The following FBXL17 variants were observed in gnomAD, a reference collection of about 807,000 sequenced individuals.
FBXL17 encodes the protein F-box/LRR-repeat protein 17.
Under a neutral mutation model 66.2 loss-of-function variants are expected in FBXL17, and 22 were observed. The ratio of observed to expected loss-of-function variants is 0.33; its 90% CI spans 0.24 to 0.47. FBXL17 has a LOEUF of 0.47. FBXL17 is among the 20% of genes least tolerant of loss of function. FBXL17 has a pLI of 1.00. For missense variants in FBXL17, 878 were observed against 948.2 expected (o/e 0.93, Z 0.97); for synonymous variants, 474 against 400.5 (o/e 1.18, Z -2.19).
At chr5:107,964,414 T>C (rs2112634775) in intron 7 of FBXL17, among the ~76,000 whole-genome samples, 1 of 125,448 alleles carries the variant, frequency 8.0e-6, no homozygotes, top group Non-Finnish European at 1.8e-5. Flanking sequence ...TGATTATCTG[T>C]TCCTTTAAAA....
At chr5:108,377,255 G>T (rs539555931) in intron 1 of FBXL17, among the ~76,000 whole-genome samples, 1 of 152,172 alleles carries the variant, frequency 6.6e-6, no homozygotes, top group Non-Finnish European at 1.5e-5. Flanking sequence ...ATAGTTTCAC[G>T]TTATGCCAGG....
chr5:107,887,257 G>A (rs1749004651), intron 7 of FBXL17, among the ~76,000 whole-genome samples: 1 of 152,186 alleles, frequency 6.6e-6, no homozygotes, highest in Non-Finnish European at 1.5e-5. Flanking sequence ...AGATAACAAA[G>A]TGAATGAATT....
At chr5:108,344,228 T>G (rs1410052493) in intron 4 of FBXL17, among the ~76,000 whole-genome samples, 1 of 152,102 alleles carries the variant, frequency 6.6e-6, no homozygotes, top group Non-Finnish European at 1.5e-5. Context: ...ATCATTCATG[T>G]AAGCCTCCAA....
chr5:108,055,563 T>G (rs1409164930), intron 6 of FBXL17, among the ~76,000 whole-genome samples: 2 of 138,090 alleles, frequency 1.4e-5, no homozygotes, highest in African/African-American at 2.7e-5. Flanking sequence ...GAGCCAAGAT[T>G]GTGCCACTGC....
intron 7 of FBXL17, among the ~76,000 whole-genome samples, chr5:107,997,228 T>C (rs1317610705): frequency 2.0e-5 from 3 of 152,188 alleles, no homozygotes; most frequent in Non-Finnish European, 2.9e-5. Context: ...ATACTCTAGG[T>C]ATATTTCTTT....
chr5:107,931,335 C>A (rs915975402), intron 7 of FBXL17, among the ~76,000 whole-genome samples: 13 of 150,468 alleles, frequency 8.6e-5, no homozygotes, highest in African/African-American at 3.2e-4. Context: ...TCTCGGCTCA[C>A]TGCAGCCTTG....
At chr5:108,008,762 A>T (rs1312133695) in intron 7 of FBXL17, among the ~76,000 whole-genome samples, 2 of 152,074 alleles carry the variant, frequency 1.3e-5, no homozygotes, top group Non-Finnish European at 2.9e-5. Context: ...AACACCAGAG[A>T]CACATCTCTG....
At chr5:108,349,498 C>G (rs2112481871) in intron 3 of FBXL17, among the ~76,000 whole-genome samples, 1 of 152,104 alleles carries the variant, frequency 6.6e-6, no homozygotes, top group Non-Finnish European at 1.5e-5. Context: ...AGTTACTTTT[C>G]CAGGGGTGGT....
chr5:108,354,881 C>T (rs912120136), intron 3 of FBXL17, among the ~76,000 whole-genome samples: 8 of 151,716 alleles, frequency 5.3e-5, no homozygotes, highest in African/African-American at 9.7e-5. Context: ...TTTAAAGTTT[C>T]GAGTGAAAAA....
chr5:108,038,203 G>T (rs1384795310), intron 6 of FBXL17, among the ~76,000 whole-genome samples: 3 of 151,788 alleles, frequency 2.0e-5, no homozygotes, highest in African/African-American at 7.3e-5. Context: ...AGCTGAAAAG[G>T]GCATTTTTTG....
chr5:108,250,336 T>C (rs138469308), intron 4 of FBXL17, among the ~76,000 whole-genome samples: 458 of 152,264 alleles, frequency 3.0e-3, no homozygotes, highest in Non-Finnish European at 3.5e-3. Context: ...CTTTTTAAGG[T>C]CAATGATTAC....
At chr5:107,969,659 G>A (rs1475437880) in intron 7 of FBXL17, among the ~76,000 whole-genome samples, 2 of 152,138 alleles carry the variant, frequency 1.3e-5, no homozygotes, top group African/African-American at 4.8e-5. Flanking sequence ...GAAGCCTCAT[G>A]TTGCCTAAAC....
At chr5:107,862,295 G>T (rs913732981) in intron 8 of FBXL17, among the ~76,000 whole-genome samples, 1 of 151,614 alleles carries the variant, frequency 6.6e-6, no homozygotes, top group African/African-American at 2.4e-5. Context: ...AGAAGTGTTG[G>T]GGAAGATGTT....
intron 5 of FBXL17, among the ~76,000 whole-genome samples, chr5:108,202,964 C>T (rs1483080136): frequency 6.6e-6 from 1 of 151,760 alleles, no homozygotes; most frequent in Non-Finnish European, 1.5e-5. Context: ...AATGGGTCAG[C>T]AGGAAAAGAA....
chr5:108,246,148 C>T (rs1209609064), intron 4 of FBXL17, among the ~76,000 whole-genome samples: 2 of 152,084 alleles, frequency 1.3e-5, no homozygotes, highest in Non-Finnish European at 2.9e-5. Context: ...CTTCTTTACT[C>T]TCCCAGCACA....
In FBXL17 at chr5:108,178,206, G is replaced by A. The variant is rs545516163; in HGVS notation, c.1745+7911C>T. Among the ~76,000 whole-genome samples the A allele has an allele frequency of 1.4e-3, 212 of 151,714 alleles. 1 individual carries two copies. The highest frequency in any genetic ancestry group is 4.5e-3 in the African/African-American group (185 of 41,372). ...TCAACAGGCACGTGCCATCATGCCC[G>A]GCTATTTTTTAAAAATTTTTTTATA... On this transcript the variant is annotated intron_variant, in intron 6 of 8. Coordinates refer to ENST00000542267, the MANE Select transcript of FBXL17 (RefSeq NM_001163315.3).
At chr5:108,177,993 T>C (rs1037534070) in intron 6 of FBXL17, among the ~76,000 whole-genome samples, 12 of 148,832 alleles carry the variant, frequency 8.1e-5, no homozygotes, top group Admixed American at 2.0e-4. Context: ...AGAAAGAAGG[T>C]CTAATGGATA....
At chr5:107,950,831 T>C (rs1751476761) in intron 7 of FBXL17, among the ~76,000 whole-genome samples, 1 of 152,212 alleles carries the variant, frequency 6.6e-6, no homozygotes, top group Non-Finnish European at 1.5e-5. Context: ...ATGGACGTGA[T>C]TAATGTGTGA....
At chr5:107,877,269 A>G (rs552064461) in intron 8 of FBXL17, among the ~76,000 whole-genome samples, 10 of 152,202 alleles carry the variant, frequency 6.6e-5, no homozygotes, top group Non-Finnish European at 1.3e-4. Context: ...GGAATCACCA[A>G]TGTTGCAGCC....
Sources: gnomAD v4.1 joint callset for allele counts (sites outside exome capture counted in the v4.1 genomes callset) on GRCh38, gnomAD v4.1.1 for gene constraint, MANE v1.5 for transcripts, NCBI Gene and HGNC (gene_info 2026-07-23, HGNC 2026-07-21) for gene names.